Variants in WASHC5 observed in about 807,000 individuals in gnomAD.
WASHC5 encodes WASH complex subunit strumpellin.
In WASHC5, 101 loss-of-function variants were observed where a neutral mutation model predicts 150.4. That is an observed-to-expected ratio of 0.67 (90% confidence interval 0.57 to 0.79). The LOEUF is 0.79. Ranked by LOEUF, WASHC5 falls within the 30% of genes least tolerant of loss-of-function variation. WASHC5 has a pLI of 0.00. For missense variants in WASHC5, 1,195 were observed against 1,396.3 expected, an observed-to-expected ratio of 0.86 and a Z score of 2.30; for synonymous variants, 467 against 491.2, an observed-to-expected ratio of 0.95 and a Z score of 0.65.
intron 23 of WASHC5, among the ~76,000 whole-genome samples, chr8:125,040,359 C>A (rs1459431897): frequency 6.6e-6 from 1 of 152,178 alleles, no homozygotes; most frequent in Non-Finnish European, 1.5e-5. Context: ...AATATTAAGT[C>A]TGTCCATGCC....
intron 1 of WASHC5, among the ~76,000 whole-genome samples, chr8:125,085,464 C>T (rs372715230): frequency 2.0e-5 from 3 of 152,052 alleles, no homozygotes; most frequent in East Asian, 3.9e-4. Flanking sequence ...AGGGATCTCA[C>T]AAGCTGTCAA....
intron 27 of WASHC5, among the ~76,000 whole-genome samples, chr8:125,030,818 C>T (rs558507914): frequency 2.6e-5 from 4 of 152,126 alleles, no homozygotes; most frequent in Non-Finnish European, 5.9e-5. Context: ...CAGACTGGAA[C>T]ACCCAGAAAA....
intron 9 of WASHC5, among the ~76,000 whole-genome samples, chr8:125,068,813 A>C (rs1340155136): frequency 6.6e-6 from 1 of 152,256 alleles, no homozygotes; most frequent in African/African-American, 2.4e-5. Context: ...GCAGTGATTG[A>C]CCCAAGGTAA....
chr8:125,048,810 C>A lies in WASHC5; in HGVS notation c.2379+196G>T, dbSNP rs540065303. 3.7e-4 allele frequency among the ~76,000 whole-genome samples: 57 copies of A among 152,264 alleles called. 1 individual carries two copies. In the South Asian group the frequency reaches 9.5e-3, roughly 25 times the overall value. On this transcript the variant is annotated intron_variant, in intron 19 of 28. Transcript: ENST00000318410. ...TTCTGTAGCCATTTAATGATGTCTG[C>A]CTTCTTAGGACAGTGAGCTCCCGGA...
intron 9 of WASHC5, among the ~76,000 whole-genome samples, chr8:125,071,590 T>C (rs1298212821): frequency 6.6e-6 from 1 of 152,232 alleles, no homozygotes; most frequent in Non-Finnish European, 1.5e-5. Flanking sequence ...GGTTGGCTCC[T>C]GATTCCTGTA....
chr8:125,041,871 C>A (rs767532169), intron 23 of WASHC5, among the ~76,000 whole-genome samples: 59 of 152,130 alleles, frequency 3.9e-4, no homozygotes, highest in Admixed American at 5.9e-4. Context: ...TAGAATGCAG[C>A]AAATCCAAGA....
intron 9 of WASHC5, among the ~76,000 whole-genome samples, chr8:125,072,007 G>A (rs1478586686): frequency 6.6e-6 from 1 of 151,998 alleles, no homozygotes; most frequent in African/African-American, 2.4e-5. Context: ...TATCTCTCTG[G>A]TTCTGACACT....
intron 1 of WASHC5, among the ~76,000 whole-genome samples, chr8:125,088,476 A>G (rs1363020997): frequency 6.6e-6 from 1 of 151,764 alleles, no homozygotes; most frequent in South Asian, 2.1e-4. Flanking sequence ...AACAAAAGAT[A>G]CAGTGCACTT....
At chr8:125,060,307 T>G (rs2130102928) in intron 12 of WASHC5, among the ~76,000 whole-genome samples, 1 of 152,186 alleles carries the variant, frequency 6.6e-6, no homozygotes, top group Admixed American at 6.5e-5. Context: ...GCTAACATGG[T>G]GAAACCCCGT....
At position 125,043,817 on chromosome 8, in the gene WASHC5, C is replaced by A. The variant is rs772106188; in HGVS notation, c.2850+8G>T. 3.8e-6 allele frequency: 6 copies of A among 1,594,760 alleles called. No homozygotes were observed. The East Asian group carries it at 8.9e-5, about 24-fold the overall frequency. ...TATTGACTGTACACCCTCTCTTCTA[C>A]AACATACCTTCATTATAGCCTCGAG... On this transcript the variant is annotated splice_region_variant and intron_variant, in intron 23 of 28. Transcript: ENST00000318410.
chr8:125,057,993 T>C (rs1007405574), intron 14 of WASHC5, among the ~76,000 whole-genome samples: 4 of 151,954 alleles, frequency 2.6e-5, no homozygotes, highest in Non-Finnish European at 5.9e-5. Flanking sequence ...CAGGTGATTC[T>C]GATGCATGCT....
chr8:125,085,996 T>C (rs1817408915), intron 1 of WASHC5, among the ~76,000 whole-genome samples: 1 of 152,128 alleles, frequency 6.6e-6, no homozygotes, highest in Non-Finnish European at 1.5e-5. Flanking sequence ...TATAATAATG[T>C]GGTAACTGGT....
chr8:125,048,528 A>C (rs1415214909), intron 19 of WASHC5, among the ~76,000 whole-genome samples: 1 of 152,224 alleles, frequency 6.6e-6, no homozygotes, highest in Non-Finnish European at 1.5e-5. Context: ...AATTTTAAAA[A>C]ATTGAAAATA....
intron 2 of WASHC5, among the ~76,000 whole-genome samples, 178 bp from the exon 3 acceptor site, chr8:125,083,436 A>G (rs1817331185): frequency 6.6e-6 from 1 of 152,222 alleles, no homozygotes; most frequent in South Asian, 2.1e-4. Context: ...AGAGAAATGA[A>G]TTTGAATTGG....
At chr8:125,090,958 T>C (rs1050615874) in intron 1 of WASHC5, among the ~76,000 whole-genome samples, 28 of 152,196 alleles carry the variant, frequency 1.8e-4, no homozygotes, top group African/African-American at 6.8e-4. Context: ...AGGTGTCCCT[T>C]GTAGTGCACA....
intron 19 of WASHC5, 113 bp from the exon 20 acceptor site, chr8:125,047,444 G>GT (rs796685951): frequency 0.11 from 76,882 of 725,818 alleles, 9 homozygotes; most frequent in South Asian, 0.13. Context: ...AATAAAGGTT[G>GT]TTTTTTTTTT....
At chr8:125,075,288 T>G (rs761894236) in intron 7 of WASHC5, among the ~76,000 whole-genome samples, 177 bp from the exon 8 acceptor site, 1 of 152,170 alleles carries the variant, frequency 6.6e-6, no homozygotes, top group Non-Finnish European at 1.5e-5. Context: ...GTGTTCCTGA[T>G]TGTTAATTCA....
At chr8:125,080,035 A>G (rs1817201837) in intron 5 of WASHC5, among the ~76,000 whole-genome samples, 1 of 152,222 alleles carries the variant, frequency 6.6e-6, no homozygotes, top group South Asian at 2.1e-4. Flanking sequence ...GAGATCTAAT[A>G]AACAGGTCTG....
intron 1 of WASHC5, 118 bp from the exon 2 acceptor site, chr8:125,084,140 C>T: frequency 8.1e-6 from 4 of 493,184 alleles, no homozygotes; most frequent in Non-Finnish European, 1.1e-5. Context: ...TAATGAGTTC[C>T]TTTATAGGGG....
Sources: gnomAD v4.1 joint callset for allele counts (sites outside exome capture counted in the v4.1 genomes callset) on GRCh38, gnomAD v4.1.1 for gene constraint, MANE v1.5 for transcripts, NCBI Gene and HGNC (gene_info 2026-07-23, HGNC 2026-07-21) for gene names.